Variants in RAB3IP observed in about 807,000 individuals in gnomAD.
RAB3IP encodes rab-3A-interacting protein.
Under a neutral mutation model 59.1 loss-of-function variants are expected in RAB3IP, and 36 were observed. That is an observed-to-expected ratio of 0.61 (90% CI 0.47 to 0.80). The LOEUF is 0.80. Ranked by LOEUF, RAB3IP falls within the 30% of genes least tolerant of loss-of-function variation. The pLI is 0.00. For missense variants in RAB3IP, 511 were observed against 536.0 expected, an observed-to-expected ratio of 0.95 and a Z score of 0.46; for synonymous variants, 207 against 191.2, an observed-to-expected ratio of 1.08 and a Z score of -0.68.
chr12:69,758,825 A>G (rs1870688420), intron 3 of RAB3IP, among the ~76,000 whole-genome samples: 3 of 125,352 alleles, frequency 2.4e-5, no homozygotes, highest in Admixed American at 9.8e-5. Flanking sequence ...AACGGGGCAT[A>G]CAATTCTAGG....
At chr12:69,799,644 A>G (rs933227796) in intron 6 of RAB3IP, among the ~76,000 whole-genome samples, 4 of 152,200 alleles carry the variant, frequency 2.6e-5, no homozygotes, top group East Asian at 1.9e-4. Context: ...TGGTTATGCA[A>G]TAACATTTTG....
chr12:69,814,260 AG>A (rs1273018382), intron 10 of RAB3IP, among the ~76,000 whole-genome samples: 3 of 152,182 alleles, frequency 2.0e-5, no homozygotes, highest in Non-Finnish European at 2.9e-5. Context: ...TTATGAAAAT[AG>A]GAAGAAAGTG....
chr12:69,800,284 G>C lies in RAB3IP; in HGVS notation c.964G>C (p.Asp322His). ...AATGGACAGGACGTGTCCTTTCTTA[G>C]ACAAAATCTACCAGGAAGATATCTT... ...PTMDRTCPFL[D>H]KIYQEDIFPC... is the part of the protein sequence containing the mutation. The change falls in exon 7 of 11, where the codon GAC becomes CAC. Residue 322 changes from aspartate (D) to histidine (H), a missense_variant. Coordinates refer to ENST00000247833, the MANE Select transcript of RAB3IP (RefSeq NM_022456.5). The C allele has an allele frequency of 6.3e-7, 1 of 1,597,674 alleles. No individual in the cohort carries two copies. The highest frequency in any genetic ancestry group is 1.1e-5 in the South Asian group (1 of 88,320).
intron 3 of RAB3IP, among the ~76,000 whole-genome samples, chr12:69,770,207 T>C (rs1444247004): frequency 1.3e-5 from 2 of 152,212 alleles, no homozygotes; most frequent in Non-Finnish European, 2.9e-5. Flanking sequence ...TTGGATTTGA[T>C]GAAATACACT....
At chr12:69,798,606 A>T (rs886221588) in intron 6 of RAB3IP, among the ~76,000 whole-genome samples, 1 of 152,102 alleles carries the variant, frequency 6.6e-6, no homozygotes, top group African/African-American at 2.4e-5. Context: ...GCCCATGCCT[A>T]TGTCCTGAAT....
At chr12:69,778,523 G>GT (rs1272995970) in intron 3 of RAB3IP, among the ~76,000 whole-genome samples, 3 of 145,892 alleles carry the variant, frequency 2.1e-5, no homozygotes, top group Admixed American at 7.0e-5. Context: ...TTTCTGTACT[G>GT]TTTTTTCCCC....
rs139641088 is a variant in RAB3IP, at chr12:69,814,764, T to A, written c.1301-600T>A. Among the ~76,000 whole-genome samples the A allele has an allele frequency of 3.0e-3, 461 of 152,296 alleles. 2 individuals carry two copies. The highest frequency in any genetic ancestry group is 0.01 in the African/African-American group (429 of 41,550). On this transcript the variant is annotated intron_variant, in intron 10 of 10. Coordinates refer to ENST00000247833, the MANE Select transcript of RAB3IP (RefSeq NM_022456.5). ...TATATCAAACGAAGACCTTTTATTG[T>A]CTGAAATAAGGAGCCAACGTTTTTC...
chr12:69,769,870 T>C (rs937536707), intron 3 of RAB3IP, among the ~76,000 whole-genome samples: 4 of 152,362 alleles, frequency 2.6e-5, no homozygotes. Flanking sequence ...AGCTAGACAT[T>C]AATCATGACA....
intron 4 of RAB3IP, 104 bp downstream of exon 4, chr12:69,784,919 A>G (rs995161214): frequency 6.4e-6 from 4 of 621,716 alleles, no homozygotes; most frequent in Non-Finnish European, 1.2e-5. Flanking sequence ...AGCTTCATGT[A>G]TATTTATAAG....
chr12:69,811,881 ATAATT>A (rs1678540365), intron 8 of RAB3IP, among the ~76,000 whole-genome samples: 1 of 152,314 alleles, frequency 6.6e-6, no homozygotes, highest in African/African-American at 2.4e-5. Flanking sequence ...TATTTACTAT[ATAATT>A]TATACTGTCA....
At position 69,810,247 on chromosome 12, in the gene RAB3IP, G is replaced by A. The variant is rs966705584; in HGVS notation, c.1131-2531G>A. On this transcript the variant is annotated intron_variant, in intron 8 of 10. Coordinates refer to ENST00000247833, the MANE Select transcript of RAB3IP (RefSeq NM_022456.5). ...GAACCGCAAATGCTGCTGCCTGATC[G>A]TTCCTCTGGAAGTTTTGTCTCAGAG... Among the ~76,000 whole-genome samples the A allele has an allele frequency of 4.6e-5, 7 of 152,284 alleles. No homozygotes were observed. In the South Asian group the frequency reaches 6.2e-4, roughly 14 times the overall value.
rs949332287 is a variant in RAB3IP, at chr12:69,822,076, A to G, written c.*6630A>G. 4 of 152,150 alleles carry G rather than the reference A, an allele frequency of 2.6e-5. No homozygotes were observed. 9.4% of individuals were successfully genotyped at this position (152,150 alleles called of 1,614,324 possible). On this transcript the variant is annotated 3_prime_UTR_variant, in exon 11 of 11. Coordinates refer to ENST00000247833, the MANE Select transcript of RAB3IP (RefSeq NM_022456.5). Reference sequence around the variant, plus strand: ...TTACTTGGCAGTGGATTATAGTGTGATGACTCATTTCCGGTGGTCTCCAGG... The same window carrying G: ...TTACTTGGCAGTGGATTATAGTGTGGTGACTCATTTCCGGTGGTCTCCAGG...
At chr12:69,813,257 A>C (rs1880707414) in intron 10 of RAB3IP, among the ~76,000 whole-genome samples, 1 of 152,082 alleles carries the variant, frequency 6.6e-6, no homozygotes, top group African/African-American at 2.4e-5. Flanking sequence ...GCCTCATTTT[A>C]CTCTTAATTT....
chr12:69,805,354 G>C (rs1036520539), intron 8 of RAB3IP, among the ~76,000 whole-genome samples: 5 of 152,114 alleles, frequency 3.3e-5, no homozygotes, highest in African/African-American at 1.2e-4. Flanking sequence ...TTTGTATCCT[G>C]AGACTTTGCT....
intron 1 of RAB3IP, chr12:69,739,987 C>G (rs1468677075): frequency 1.1e-6 from 1 of 896,792 alleles, no homozygotes; most frequent in Non-Finnish European, 1.8e-6. Context: ...TCCTGTTTCA[C>G]CCCAACTCCT....
intron 3 of RAB3IP, among the ~76,000 whole-genome samples, chr12:69,780,617 C>T (rs1874530610): frequency 6.6e-6 from 1 of 152,180 alleles, no homozygotes; most frequent in Admixed American, 6.5e-5. Context: ...CAAATCATTC[C>T]TGGGTTGTGG....
chr12:69,763,978 A>T (rs1174364844), intron 3 of RAB3IP, among the ~76,000 whole-genome samples: 1 of 152,184 alleles, frequency 6.6e-6, no homozygotes, highest in African/African-American at 2.4e-5. Context: ...CTTGGTGTAT[A>T]TGCACTACAT....
chr12:69,794,306 T>C (rs1182191165), intron 4 of RAB3IP, 131 bp from the exon 5 acceptor site: 3 of 668,956 alleles, frequency 4.5e-6, no homozygotes, highest in African/African-American at 3.6e-5. Context: ...GCTTCCATAG[T>C]TGACATTGAA....
intron 4 of RAB3IP, among the ~76,000 whole-genome samples, chr12:69,793,769 G>A (rs554170155): frequency 1.3e-5 from 2 of 152,220 alleles, no homozygotes; most frequent in South Asian, 2.1e-4. Flanking sequence ...TTCCCAGTAC[G>A]TAATCAGCAT....
Sources: allele counts gnomAD v4.1 joint callset (sites outside exome capture counted in the v4.1 genomes callset), GRCh38; gene constraint gnomAD v4.1.1; transcripts MANE v1.5; gene names NCBI Gene and HGNC (gene_info 2026-07-23, HGNC 2026-07-21).